The following PNKD variants were observed in gnomAD, a reference collection of about 807,000 sequenced individuals.
PNKD encodes the protein probable thioesterase PNKD.
In PNKD, 36 loss-of-function variants were observed where a neutral mutation model predicts 45.3. The ratio of observed to expected loss-of-function variants is 0.80; its 90% CI spans 0.61 to 1.05. PNKD has a LOEUF of 1.05. Ranked by LOEUF, PNKD falls within the 50% of genes least tolerant of loss-of-function variation. The pLI, the probability that PNKD is intolerant of heterozygous loss-of-function variation, is 0.00. For synonymous variants in PNKD, 197 were observed against 210.1 expected (o/e 0.94, Z 0.54); for missense variants, 511 against 506.6 (o/e 1.01, Z -0.08).
In PNKD at chr2:218,282,127, G is replaced by A. The variant is rs751406824; in HGVS notation, c.236+10578G>A. On this transcript the variant is annotated intron_variant, in intron 2 of 9. Transcript: ENST00000273077. ...TGCGGTCTTCATATGGTGGTGGGGC[G>A]CTGGGGTTGGACATGGCTGCTCACG... 6.6e-6 allele frequency: 10 copies of A among 1,514,148 alleles called. No homozygotes were observed. In the South Asian group the frequency reaches 1.0e-4, roughly 16 times the overall value. 93.8% of individuals were successfully genotyped at this position (1,514,148 alleles called of 1,614,324 possible).
chr2:218,338,180 G>C (rs1694555914), intron 2 of PNKD, among the ~76,000 whole-genome samples: 1 of 151,928 alleles, frequency 6.6e-6, no homozygotes, highest in African/African-American at 2.4e-5. Context: ...TTCAGGCTTG[G>C]CCAGGCACAG....
At chr2:218,321,890 T>C (rs1693995057) in intron 2 of PNKD, among the ~76,000 whole-genome samples, 1 of 150,958 alleles carries the variant, frequency 6.6e-6, no homozygotes, top group Non-Finnish European at 1.5e-5. Flanking sequence ...CCTCCCAAAG[T>C]GCTGGGATTA....
chr2:218,300,816 A>G (rs1176422852), intron 2 of PNKD, among the ~76,000 whole-genome samples: 1 of 152,166 alleles, frequency 6.6e-6, no homozygotes. Context: ...AAGTGCTGGG[A>G]TTACAGGCAT....
At chr2:218,323,569 G>A (rs188669643) in intron 2 of PNKD, 17 of 633,204 alleles carry the variant, frequency 2.7e-5, no homozygotes, top group Non-Finnish European at 3.7e-5. Flanking sequence ...GGATCGAGGA[G>A]ACGGACTGGA....
chr2:218,343,702 G>A, intron 8 of PNKD, 116 bp downstream of exon 8: 1 of 764,496 alleles, frequency 1.3e-6, no homozygotes, highest in Non-Finnish European at 2.3e-6. Context: ...TGGCCCAGAA[G>A]CGACACAGCT....
rs575707589 is a variant in PNKD, at chr2:218,339,702, G to A, written c.237-81G>A. On this transcript the variant is annotated intron_variant, in intron 2 of 9. Transcript: ENST00000273077. The stretch of plus-strand genomic sequence containing the variant: ...ACAGGGTCACCAAAGGAATGGAGAT[G>A]TGGGGCCTGCAGGCATCACGAAGGA... 2.6e-5 allele frequency: 21 copies of A among 809,560 alleles called. No individual in the cohort carries two copies. In the East Asian group the frequency reaches 4.4e-4, roughly 17 times the overall value. The allele number at this position is 809,560 out of a possible 1,614,324, so 50.1% of individuals were successfully genotyped here.
At position 218,340,942 on chromosome 2, in the gene PNKD, G is replaced by A. The variant is rs1694656360; in HGVS notation, c.524+156G>A. ...CACCTGGACACCAGCAGGGAGGGAG[G>A]AGAGGGGACAGTCTCCCACCACTCC... On this transcript the variant is annotated intron_variant, in intron 5 of 9. Transcript: ENST00000273077. The surrounding 1 kb of genome is among the most constrained non-coding windows in gnomAD (Gnocchi z 4.2). The A allele has an allele frequency of 2.8e-6, 2 of 703,478 alleles. No homozygotes were observed. The highest frequency in any genetic ancestry group is 1.5e-5 in the South Asian group (1 of 66,794). 43.6% of individuals were successfully genotyped at this position (703,478 alleles called of 1,614,324 possible).
At chr2:218,282,030 C>T in intron 2 of PNKD, 1 of 1,607,596 alleles carries the variant, frequency 6.2e-7, no homozygotes. Flanking sequence ...CCAGGGTAGG[C>T]AGGATACCCT....
intron 2 of PNKD, among the ~76,000 whole-genome samples, chr2:218,304,491 G>C (rs1047385000): frequency 6.6e-6 from 1 of 152,140 alleles, no homozygotes; most frequent in African/African-American, 2.4e-5. Flanking sequence ...TCAGGCCCAG[G>C]GGTGGCGACA....
chr2:218,277,729 G>C, intron 2 of PNKD: 1 of 1,607,532 alleles, frequency 6.2e-7, no homozygotes, highest in Non-Finnish European at 8.5e-7. Flanking sequence ...GCAGGGTGCT[G>C]GGGGAGTGGC....
chr2:218,323,353 GC>G, intron 2 of PNKD: 4 of 1,581,054 alleles, frequency 2.5e-6, no homozygotes, highest in Non-Finnish European at 1.7e-6. Flanking sequence ...CTACTTGTGA[GC>G]CCCCGCGGCT....
chr2:218,337,911 G>A (rs1694546981), intron 2 of PNKD, among the ~76,000 whole-genome samples: 1 of 152,132 alleles, frequency 6.6e-6, no homozygotes. Context: ...CACTTTGGGA[G>A]GCCAAGGTGG....
Position 218,342,256 on chromosome 2 carries a change from G to A in PNKD, c.781+112G>A, listed in dbSNP as rs34490131. 1,023 of 878,034 alleles carry A rather than the reference G, an allele frequency of 1.2e-3. 4 individuals carry two copies. The highest frequency in any genetic ancestry group is 3.0e-3 in the South Asian group (212 of 70,644). The allele number at this position is 878,034 out of a possible 1,614,324, so 54.4% of individuals were successfully genotyped here. A position where few individuals can be genotyped will look rare whatever the true frequency, so the allele number is the denominator to read the frequency against. On this transcript the variant is annotated intron_variant, in intron 7 of 9. Coordinates refer to ENST00000273077, the MANE Select transcript of PNKD (RefSeq NM_015488.5). ...CCTTAGTTTTAGCACAGATGTTGCC[G>A]TGGCAGTTACTTCCATCTGTGTTAC...
intron 2 of PNKD, among the ~76,000 whole-genome samples, chr2:218,331,404 T>C (rs1694314896): frequency 6.6e-6 from 1 of 151,548 alleles, no homozygotes; most frequent in Non-Finnish European, 1.5e-5. Context: ...CGAAGCTCTG[T>C]CTCAAAAAAA....
intron 2 of PNKD, among the ~76,000 whole-genome samples, chr2:218,314,901 G>A (rs576335824): frequency 7.0e-6 from 1 of 143,116 alleles, no homozygotes; most frequent in African/African-American, 2.4e-5. Context: ...CTTTGGACAG[G>A]CTGGCCTTGA....
At chr2:218,318,950 CTTTTTT>C (rs769001811) in intron 2 of PNKD, among the ~76,000 whole-genome samples, 1 of 99,912 alleles carries the variant, frequency 1.0e-5, no homozygotes, top group South Asian at 3.4e-4. Flanking sequence ...TTTTTTTTTT[CTTTTTT>C]TTTTTTTTTT....
chr2:218,308,222 T>G (rs1383799447), intron 2 of PNKD, among the ~76,000 whole-genome samples: 10 of 146,134 alleles, frequency 6.8e-5, no homozygotes, highest in African/African-American at 2.5e-4. Context: ...AGAGTCTCAC[T>G]GCACATCACT....
chr2:218,286,767 A>C (rs945496614), intron 2 of PNKD: 10 of 152,226 alleles, frequency 6.6e-5, no homozygotes, highest in African/African-American at 2.4e-4. Context: ...CAGCAAGAGG[A>C]GAGTATGTGT....
intron 2 of PNKD, among the ~76,000 whole-genome samples, chr2:218,308,294 T>C (rs2106257792): frequency 6.6e-6 from 1 of 151,338 alleles, no homozygotes; most frequent in Non-Finnish European, 1.5e-5. Context: ...TCAAGTGGTT[T>C]TCCTGCCTCA....
Sources: allele counts gnomAD v4.1 joint callset (sites outside exome capture counted in the v4.1 genomes callset), GRCh38; gene constraint gnomAD v4.1.1; non-coding constraint Gnocchi (gnomAD v3.1); transcripts MANE v1.5; gene names NCBI Gene and HGNC (gene_info 2026-07-23, HGNC 2026-07-21).